Variants in CNGA3 observed in about 807,000 individuals in gnomAD.
CNGA3 encodes cyclic nucleotide gated channel subunit alpha 3.
In CNGA3, 42 loss-of-function variants were observed where a neutral mutation model predicts 46.6. The observed-to-expected ratio is 0.90, with a 90% confidence interval of 0.70 to 1.17. CNGA3 has a LOEUF of 1.17. Ranked by LOEUF, CNGA3 falls within the 50% of genes most tolerant of loss-of-function variation. The pLI, the probability that CNGA3 is intolerant of heterozygous loss-of-function variation, is 0.00. For synonymous variants in CNGA3, 394 were observed against 369.4 expected, an observed-to-expected ratio of 1.07 and a Z score of -0.76; for missense variants, 893 against 890.7, an observed-to-expected ratio of 1.00 and a Z score of -0.03.
chr2:98,352,952 G>A (rs919659362), intron 1 of CNGA3, among the ~76,000 whole-genome samples: 2 of 152,166 alleles, frequency 1.3e-5, no homozygotes, highest in African/African-American at 2.4e-5. Context: ...CCCCTATGCA[G>A]TCAAAAATCC....
intron 1 of CNGA3, among the ~76,000 whole-genome samples, chr2:98,349,007 C>G (rs1691711465): frequency 6.6e-6 from 1 of 152,156 alleles, no homozygotes; most frequent in Non-Finnish European, 1.5e-5. Flanking sequence ...AGGAAAATCT[C>G]TCTAGGCAGA....
chr2:98,388,635 G>A (rs912015047), intron 5 of CNGA3, among the ~76,000 whole-genome samples: 2 of 152,200 alleles, frequency 1.3e-5, no homozygotes, highest in East Asian at 1.9e-4. Flanking sequence ...GTGGGCAGCC[G>A]GGGGCTGCCC....
chr2:98,383,260 T>C, intron 4 of CNGA3, 128 bp from the exon 5 acceptor site: 1 of 878,642 alleles, frequency 1.1e-6, no homozygotes, highest in Non-Finnish European at 1.9e-6. Context: ...TTCTTCAAGC[T>C]GTGAGTGCAA....
intron 7 of CNGA3, among the ~76,000 whole-genome samples, chr2:98,394,282 G>T (rs1692859443): frequency 1.3e-5 from 2 of 152,136 alleles, no homozygotes; most frequent in South Asian, 4.1e-4. Context: ...GGCTCTAGGT[G>T]TCCAGCCCAT....
intron 3 of CNGA3, among the ~76,000 whole-genome samples, chr2:98,378,581 A>T (rs956668089): frequency 2.6e-5 from 4 of 152,214 alleles, no homozygotes; most frequent in Non-Finnish European, 2.9e-5. Context: ...CATGCTTTTC[A>T]TTATGAAGGA....
chr2:98,380,633 TC>T (rs1692516473), intron 4 of CNGA3, among the ~76,000 whole-genome samples: 1 of 152,036 alleles, frequency 6.6e-6, no homozygotes, highest in Non-Finnish European at 1.5e-5. Context: ...CCTGTTAGGG[TC>T]CCCTGGAAAT....
intron 6 of CNGA3, among the ~76,000 whole-genome samples, chr2:98,390,763 G>T (rs936517778): frequency 2.0e-5 from 3 of 152,076 alleles, no homozygotes; most frequent in Non-Finnish European, 4.4e-5. Context: ...GGGTTTGGGG[G>T]CCCTTCCCAG....
chr2:98,369,609 A>G (rs192969015), intron 1 of CNGA3, among the ~76,000 whole-genome samples: 13 of 152,254 alleles, frequency 8.5e-5, no homozygotes, highest in Non-Finnish European at 1.5e-4. Context: ...ATCATCTCAA[A>G]GAATCATGAG....
chr2:98,367,221 G>C (rs1463503059), intron 1 of CNGA3, among the ~76,000 whole-genome samples: 1 of 118,622 alleles, frequency 8.4e-6, no homozygotes, highest in Non-Finnish European at 1.6e-5. Flanking sequence ...GAGTCTCACT[G>C]TGTCCCCCAG....
Position 98,397,001 on chromosome 2 carries a change from C to A in CNGA3, c.1831C>A (p.Leu611Met). Residue 611 changes from leucine to methionine, a missense_variant, in exon 8 of 8, where the codon CTG (leucine) becomes ATG (methionine). By Grantham distance (15) the Leu-to-Met change is conservative. Around this residue, in one of 3 missense-constraint regions of CNGA3, gnomAD observed 548 missense variants for 570.8 expected, o/e 0.96. Coordinates refer to ENST00000272602, the MANE Select transcript of CNGA3 (RefSeq NM_001298.3). ...ACGGCAGATCCTGATGAAAGACAAC[C>A]TGATCGATGAGGAGCTGGCCAGGGC... ...KGRQILMKDN[L>M]IDEELARAGA... 1.9e-6 allele frequency: 3 copies of A among 1,614,048 alleles called. No individual in the cohort carries two copies. The highest frequency in any genetic ancestry group is 2.5e-6 in the Non-Finnish European group (3 of 1,179,970).
intron 2 of CNGA3, among the ~76,000 whole-genome samples, chr2:98,374,225 A>G (rs1460560847): frequency 6.6e-6 from 1 of 152,200 alleles, no homozygotes. Flanking sequence ...CCTTCACCTT[A>G]CCAACGTTAA....
chr2:98,369,844 G>T (rs574576830), intron 1 of CNGA3, 95 bp from the exon 2 acceptor site: 65 of 750,278 alleles, frequency 8.7e-5, no homozygotes, highest in Non-Finnish European at 1.4e-4. Context: ...AGGGCTTGCA[G>T]GGGGGCCGCG....
chr2:98,353,643 C>A (rs978003306), intron 1 of CNGA3, among the ~76,000 whole-genome samples: 1 of 152,140 alleles, frequency 6.6e-6, no homozygotes, highest in African/African-American at 2.4e-5. Context: ...TTGCCATTAC[C>A]AATCTAATAA....
intron 1 of CNGA3, among the ~76,000 whole-genome samples, chr2:98,353,986 A>G (rs1368953947): frequency 1.3e-5 from 2 of 152,192 alleles, no homozygotes; most frequent in African/African-American, 4.8e-5. Context: ...ATCCACCACT[A>G]TGAGCCAATT....
At chr2:98,378,226 G>C in intron 3 of CNGA3, 1 of 1,542,294 alleles carries the variant, frequency 6.5e-7, no homozygotes, top group Non-Finnish European at 8.7e-7. Flanking sequence ...AGGGCAGGTA[G>C]GTGTCCTTGC....
In CNGA3 at chr2:98,396,512, A is replaced by T; in HGVS notation, c.1342A>T (p.Lys448Ter). The change falls in exon 8 of 8, where the codon AAG becomes TAG. Residue 448 changes from lysine to a stop codon, truncating the protein, a stop_gained. Coordinates refer to ENST00000272602, the MANE Select transcript of CNGA3 (RefSeq NM_001298.3). LOFTEE classifies it high-confidence loss of function. ...GTGGTTTGACTACCTGTGGGCCAACAAGAAGACGGTGGATGAGAAGGAGGT... is the reference window on the plus strand; with the variant it reads ...GTGGTTTGACTACCTGTGGGCCAACTAGAAGACGGTGGATGAGAAGGAGGT... ...IRWFDYLWAN[K>*]KTVDEKEVLK... The T allele has an allele frequency of 6.2e-7, 1 of 1,613,980 alleles. No homozygotes were observed. The highest frequency in any genetic ancestry group is 8.5e-7 in the Non-Finnish European group (1 of 1,180,014).
chr2:98,376,628 T>A (rs1692411486), intron 2 of CNGA3, among the ~76,000 whole-genome samples: 1 of 152,140 alleles, frequency 6.6e-6, no homozygotes, highest in Non-Finnish European at 1.5e-5. Flanking sequence ...ATGCAAGGAC[T>A]CTGACTTCTA....
intron 1 of CNGA3, among the ~76,000 whole-genome samples, chr2:98,363,587 G>A (rs987794935): frequency 1.3e-5 from 2 of 152,162 alleles, no homozygotes; most frequent in Non-Finnish European, 2.9e-5. Flanking sequence ...CTTATCTTGT[G>A]TCAGTTTTCA....
At chr2:98,373,756 C>G (rs2104186229) in intron 2 of CNGA3, among the ~76,000 whole-genome samples, 1 of 152,344 alleles carries the variant, frequency 6.6e-6, no homozygotes, top group South Asian at 2.1e-4. Flanking sequence ...AGGCTATTCT[C>G]TGCTGCAGAG....
Sources: gnomAD v4.1 joint callset for allele counts (sites outside exome capture counted in the v4.1 genomes callset) on GRCh38, gnomAD v4.1.1 for gene constraint, gnomAD v4.1.1 regional missense constraint, MANE v1.5 for transcripts, NCBI Gene and HGNC (gene_info 2026-07-23, HGNC 2026-07-21) for gene names.